Variants in KYNU observed in about 807,000 individuals in gnomAD.
KYNU encodes the protein kynureninase, also known as L-kynurenine hydrolase.
In KYNU, 54 loss-of-function variants were observed where a neutral mutation model predicts 59.2. The ratio of observed to expected loss-of-function variants is 0.91; its 90% CI spans 0.73 to 1.14. The LOEUF (loss-of-function observed/expected upper bound fraction) is 1.14. Among genes scored for constraint, KYNU ranks in the 50% most tolerant of loss-of-function variants. The pLI is 0.00. For missense variants in KYNU, 567 were observed against 554.4 expected, an observed-to-expected ratio of 1.02 and a Z score of -0.23; for synonymous variants, 177 against 192.0, an observed-to-expected ratio of 0.92 and a Z score of 0.65.
chr2:142,989,583 G>T, intron 10 of KYNU: 1 of 748,090 alleles, frequency 1.3e-6, no homozygotes, highest in Non-Finnish European at 1.6e-6. Flanking sequence ...CAAGTATTTT[G>T]AAGTATATAT....
At position 143,053,586 on chromosome 2, in the gene KYNU, G is replaced by C. The variant is rs1232878599; in HGVS notation, c.*11414G>C. ...CATGAGGGCAGGTCTTTTCTGTGCT[G>C]TTCTCATGATGGTGAGTAAGTCTCA... On this transcript the variant is annotated 3_prime_UTR_variant, in exon 14 of 14. Coordinates refer to ENST00000264170, the MANE Select transcript of KYNU (RefSeq NM_003937.3). 6.6e-6 allele frequency: 1 copy of C among 152,182 alleles called. No individual in the cohort carries two copies. Among genetic ancestry groups the C allele is most frequent in the Non-Finnish European group, 1.5e-5 (1 of 68,062 alleles). The allele number at this position is 152,182 out of a possible 1,614,324, so 9.4% of individuals were successfully genotyped here. A position where few individuals can be genotyped will look rare whatever the true frequency, so the allele number is the denominator to read the frequency against.
rs61229238 is a variant in KYNU at position 143,047,852 on chromosome 2, C to CTTTTTTTTTTTTTTTTTTTTTTT, written c.*5684_*5706dup. On this transcript the variant is annotated 3_prime_UTR_variant, in exon 14 of 14. Transcript: ENST00000264170. ...GGCATAAGCTGCCACTCCTGGACCTCTTTTTTTTTTTTTTTTTTTTTTTTT... is the reference window on the plus strand; with the variant it reads ...GGCATAAGCTGCCACTCCTGGACCTCTTTTTTTTTTTTTTTTTTTTTTTTTTTTTTTTTTTTTTTTTTTTTTTT... The CTTTTTTTTTTTTTTTTTTTTTTT allele has an allele frequency of 5.0e-5, 5 of 100,336 alleles. 2 individuals are homozygous for CTTTTTTTTTTTTTTTTTTTTTTT. 6.2% of individuals were successfully genotyped at this position (100,336 alleles called of 1,614,324 possible). A position where few individuals can be genotyped will look rare whatever the true frequency, so the allele number is the denominator to read the frequency against.
rs193052109 is a variant in KYNU, at chr2:142,881,350, T to C, written c.-20+3614T>C. ...ACCTTGGTATCTTTGTCTAGGAATA[T>C]AAAGAATGGCTTATCAGTGGAGACC... On this transcript the variant is annotated intron_variant, in intron 1 of 13. Coordinates refer to ENST00000264170, the MANE Select transcript of KYNU (RefSeq NM_003937.3). 59 of 152,256 alleles carry C rather than the reference T, an allele frequency of 3.9e-4. No homozygotes were observed. In the East Asian group the frequency reaches 0.011, roughly 29 times the overall value. The allele number at this position is 152,256 out of a possible 1,614,324, so 9.4% of individuals were successfully genotyped here.
At position 143,055,674 on chromosome 2, in the gene KYNU, GGAAGGAAGGAAA is replaced by G. The variant is rs1266252404; in HGVS notation, c.*13504_*13515del. On this transcript the variant is annotated 3_prime_UTR_variant, in exon 14 of 14. Transcript: ENST00000264170. ...AGGAAGGAAGGAAGGAAGGAAGGAA[GGAAGGAAGGAAA>G]GGGAGGAGAGGAGAGGAGAGGTAGG... 1 of 151,226 alleles carries G rather than the reference GGAAGGAAGGAAA, an allele frequency of 6.6e-6. No homozygotes were observed. 9.4% of individuals were successfully genotyped at this position (151,226 alleles called of 1,614,324 possible).
At position 143,051,162 on chromosome 2, in the gene KYNU, C is replaced by T. The variant is rs189180231; in HGVS notation, c.*8990C>T. ...TGGTTTATTGCAGTAATTGTTTTGACTAATTCTCTAGTTTTTCAACTTTTG... is the reference window on the plus strand; with the variant it reads ...TGGTTTATTGCAGTAATTGTTTTGATTAATTCTCTAGTTTTTCAACTTTTG... On this transcript the variant is annotated 3_prime_UTR_variant, in exon 14 of 14. Transcript: ENST00000264170. 8 of 152,244 alleles carry T rather than the reference C, an allele frequency of 5.3e-5. No homozygotes were observed. In the East Asian group the frequency reaches 1.5e-3, roughly 29 times the overall value. 9.4% of individuals were successfully genotyped at this position (152,244 alleles called of 1,614,324 possible).
chr2:142,943,618 T>C (rs1683674745), intron 4 of KYNU, among the ~76,000 whole-genome samples: 1 of 152,194 alleles, frequency 6.6e-6, no homozygotes, highest in African/African-American at 2.4e-5. Context: ...TTAAGCTTAC[T>C]TCTCCCTGGA....
In KYNU at chr2:143,046,057, T is replaced by C. The variant is rs1166168298; in HGVS notation, c.*3885T>C. The C allele has an allele frequency of 1.3e-5, 2 of 152,146 alleles. No individual in the cohort carries two copies. Among genetic ancestry groups the C allele is most frequent in the Admixed American group, 1.3e-4 (2 of 15,250 alleles). 9.4% of individuals were successfully genotyped at this position (152,146 alleles called of 1,614,324 possible). A position where few individuals can be genotyped will look rare whatever the true frequency, so the allele number is the denominator to read the frequency against. On this transcript the variant is annotated 3_prime_UTR_variant, in exon 14 of 14. Coordinates refer to ENST00000264170, the MANE Select transcript of KYNU (RefSeq NM_003937.3). ...AAAATTATATCAAAGTATATAAACA[T>C]ATCATGGAAAACATAATCAGCACCA...
intron 10 of KYNU, among the ~76,000 whole-genome samples, chr2:143,001,610 A>G (rs533837292): frequency 6.6e-6 from 1 of 152,134 alleles, no homozygotes; most frequent in African/African-American, 2.4e-5. Flanking sequence ...CTGGCTTGTT[A>G]AGATACTCAG....
chr2:142,986,599 A>C (rs1685208575), intron 10 of KYNU, among the ~76,000 whole-genome samples: 1 of 151,926 alleles, frequency 6.6e-6, no homozygotes, highest in South Asian at 2.1e-4. Context: ...TTTTAGAGCA[A>C]GTATAAATGC....
intron 2 of KYNU, among the ~76,000 whole-genome samples, chr2:142,894,299 G>C (rs563775102): frequency 6.6e-6 from 1 of 152,052 alleles, no homozygotes; most frequent in Non-Finnish European, 1.5e-5. Flanking sequence ...GAAGCTTGTT[G>C]GGAGCATAGC....
chr2:142,973,004 A>G (rs1684777213), intron 8 of KYNU, among the ~76,000 whole-genome samples: 1 of 149,618 alleles, frequency 6.7e-6, no homozygotes, highest in Non-Finnish European at 1.5e-5. Context: ...CCAATTTGCC[A>G]TTACATGATT....
chr2:142,997,866 G>C (rs187571042), intron 10 of KYNU, among the ~76,000 whole-genome samples: 46 of 152,206 alleles, frequency 3.0e-4, no homozygotes, highest in Admixed American at 2.7e-3. Context: ...AGATCAAGGA[G>C]AGTTTGGATA....
At chr2:143,002,519 C>A (rs1342594716) in intron 10 of KYNU, among the ~76,000 whole-genome samples, 1 of 152,158 alleles carries the variant, frequency 6.6e-6, no homozygotes, top group African/African-American at 2.4e-5. Context: ...CAGATATACC[C>A]AGCAATCATC....
chr2:143,005,025 T>G (rs1435871325), intron 10 of KYNU, among the ~76,000 whole-genome samples: 1 of 152,238 alleles, frequency 6.6e-6, no homozygotes, highest in Non-Finnish European at 1.5e-5. Context: ...TATCTTGCCC[T>G]AGCTTAAGCT....
At chr2:142,998,893 C>T (rs1685622844) in intron 10 of KYNU, among the ~76,000 whole-genome samples, 1 of 151,182 alleles carries the variant, frequency 6.6e-6, no homozygotes, top group Non-Finnish European at 1.5e-5. Flanking sequence ...CCTATAATCC[C>T]AGCTACTCGG....
chr2:143,004,079 T>C (rs1685794185), intron 10 of KYNU, among the ~76,000 whole-genome samples: 1 of 152,252 alleles, frequency 6.6e-6, no homozygotes, highest in Admixed American at 6.5e-5. Context: ...GACTAATTCA[T>C]GAAAATGTAA....
chr2:142,907,235 C>G (rs940111519), intron 2 of KYNU, among the ~76,000 whole-genome samples: 4 of 152,212 alleles, frequency 2.6e-5, no homozygotes, highest in Non-Finnish European at 4.4e-5. Flanking sequence ...CTGACCTGGG[C>G]TTCTTGGCCT....
At chr2:142,993,537 T>C (rs1685460284) in intron 10 of KYNU, among the ~76,000 whole-genome samples, 1 of 152,026 alleles carries the variant, frequency 6.6e-6, no homozygotes, top group African/African-American at 2.4e-5. Flanking sequence ...TGTGGAATCA[T>C]GACATACAAC....
intron 11 of KYNU, 31 bp from the exon 12 acceptor site, chr2:143,033,205 C>A: frequency 2.1e-6 from 3 of 1,458,930 alleles, no homozygotes; most frequent in Non-Finnish European, 2.9e-6. Flanking sequence ...AAGTTACCTT[C>A]TATGATAATG....
Sources: allele counts gnomAD v4.1 joint callset (sites outside exome capture counted in the v4.1 genomes callset), GRCh38; gene constraint gnomAD v4.1.1; transcripts MANE v1.5; gene names NCBI Gene and HGNC (gene_info 2026-07-23, HGNC 2026-07-21).